Variants in HDAC9 observed in about 807,000 individuals in gnomAD.
HDAC9 encodes the protein histone deacetylase 9.
In HDAC9, 41 loss-of-function variants were observed where a neutral mutation model predicts 139.4. That is an observed-to-expected ratio of 0.29 (90% CI 0.23 to 0.38). HDAC9 has a LOEUF of 0.38. Ranked by LOEUF, HDAC9 falls within the 10% of genes least tolerant of loss-of-function variation. The pLI is 1.00. For missense variants in HDAC9, 1,147 were observed against 1,297.0 expected (o/e 0.88, Z 1.78); for synonymous variants, 517 against 476.2 (o/e 1.09, Z -1.12).
At chr7:18,739,246 T>C (rs570943609) in intron 13 of HDAC9, among the ~76,000 whole-genome samples, 1 of 152,352 alleles carries the variant, frequency 6.6e-6, no homozygotes, top group South Asian at 2.1e-4. Context: ...TTACCAACCT[T>C]CTGAAGCCTA....
intron 1 of HDAC9, among the ~76,000 whole-genome samples, chr7:18,321,433 C>T (rs907364963): frequency 1.3e-5 from 2 of 152,162 alleles, no homozygotes; most frequent in Non-Finnish European, 2.9e-5. Context: ...GTCATAAACT[C>T]AATAACAGGC....
At chr7:18,345,976 A>T (rs923394407) in intron 1 of HDAC9, among the ~76,000 whole-genome samples, 8 of 152,062 alleles carry the variant, frequency 5.3e-5, no homozygotes, top group African/African-American at 1.9e-4. Flanking sequence ...CATGAGTTTA[A>T]AGGTAGGTAT....
chr7:18,100,706 T>C (rs1782791921), intron 1 of HDAC9, among the ~76,000 whole-genome samples: 1 of 152,222 alleles, frequency 6.6e-6, no homozygotes, highest in Non-Finnish European at 1.5e-5. Context: ...AATTCTAATG[T>C]CTTTTTTAGT....
chr7:18,323,714 A>G (rs768513635), intron 1 of HDAC9, among the ~76,000 whole-genome samples: 9 of 152,166 alleles, frequency 5.9e-5, no homozygotes, highest in Non-Finnish European at 8.8e-5. Context: ...GGTAACTGTA[A>G]TAGTCTTTGG....
chr7:18,917,142 C>T (rs772693449), intron 22 of HDAC9, among the ~76,000 whole-genome samples: 2 of 151,886 alleles, frequency 1.3e-5, no homozygotes, highest in Non-Finnish European at 2.9e-5. Flanking sequence ...TCAAAGCTCG[C>T]AAATATGAAA....
chr7:18,972,306 G>A (rs1000334411), intron 24 of HDAC9, among the ~76,000 whole-genome samples: 3 of 151,382 alleles, frequency 2.0e-5, no homozygotes, highest in South Asian at 2.1e-4. Flanking sequence ...GACTTCTTCC[G>A]GATTAGTGTG....
chr7:18,746,864 T>G (rs538478197), intron 13 of HDAC9, among the ~76,000 whole-genome samples: 2 of 149,110 alleles, frequency 1.3e-5, no homozygotes, highest in African/African-American at 4.8e-5. Context: ...AATTATATAA[T>G]TGTGACAAAT....
chr7:18,409,430 G>C (rs1388675396), intron 1 of HDAC9, among the ~76,000 whole-genome samples: 7 of 152,056 alleles, frequency 4.6e-5, no homozygotes, highest in Non-Finnish European at 7.4e-5. Flanking sequence ...TTCACAGAAA[G>C]TGAAAAGTGT....
intron 17 of HDAC9, among the ~76,000 whole-genome samples, chr7:18,828,109 A>G (rs1795589023): frequency 1.3e-5 from 2 of 152,180 alleles, no homozygotes; most frequent in Admixed American, 1.3e-4. Flanking sequence ...TAATGACCAT[A>G]ACATTCTGGA....
chr7:18,210,765 C>G (rs1791883988), intron 2 of HDAC9, among the ~76,000 whole-genome samples: 1 of 152,142 alleles, frequency 6.6e-6, no homozygotes, highest in South Asian at 2.1e-4. Flanking sequence ...TATAAAATGA[C>G]AAATTTTATT....
chr7:18,223,273 T>C (rs1344490344), intron 2 of HDAC9, among the ~76,000 whole-genome samples: 1 of 152,142 alleles, frequency 6.6e-6, no homozygotes, highest in Admixed American at 6.5e-5. Flanking sequence ...CTTTTACCTC[T>C]TATGATGATA....
chr7:18,530,262 T>C (rs1191290926), intron 2 of HDAC9, among the ~76,000 whole-genome samples: 1 of 152,058 alleles, frequency 6.6e-6, no homozygotes, highest in Non-Finnish European at 1.5e-5. Flanking sequence ...GATCCTGTCT[T>C]AAAACAAAAC....
At chr7:18,551,318 G>A (rs1350359185) in intron 2 of HDAC9, among the ~76,000 whole-genome samples, 2 of 152,176 alleles carry the variant, frequency 1.3e-5, no homozygotes, top group African/African-American at 4.8e-5. Flanking sequence ...TGAGTCTGGA[G>A]TTCATGAAAG....
At chr7:18,809,759 A>C (rs1253910209) in intron 17 of HDAC9, among the ~76,000 whole-genome samples, 1 of 152,002 alleles carries the variant, frequency 6.6e-6, no homozygotes, top group Admixed American at 6.6e-5. Flanking sequence ...ACAATGTTAC[A>C]CTGTTAATGG....
At chr7:18,745,883 C>CTTTTTTTTT (rs752292349) in intron 13 of HDAC9, among the ~76,000 whole-genome samples, 102 of 99,412 alleles carry the variant, frequency 1.0e-3, no homozygotes, top group Non-Finnish European at 1.3e-3. Context: ...TCTTCTTCTT[C>CTTTTTTTTT]TTTTTTTTTT....
intron 16 of HDAC9, among the ~76,000 whole-genome samples, chr7:18,770,126 A>T (rs1374926769): frequency 6.6e-6 from 1 of 152,154 alleles, no homozygotes; most frequent in African/African-American, 2.4e-5. Context: ...ATGGTAATTT[A>T]CTGTTGGTCA....
intron 2 of HDAC9, among the ~76,000 whole-genome samples, chr7:18,168,926 T>TGTGTGTGTGCGC (rs1407586998): frequency 2.1e-4 from 27 of 130,056 alleles, no homozygotes; most frequent in African/African-American, 7.9e-4. Flanking sequence ...TGTGTGTGTG[T>TGTGTGTGTGCGC]GCGCGCATGT....
intron 1 of HDAC9, among the ~76,000 whole-genome samples, chr7:18,106,515 C>A (rs767733518): frequency 2.0e-5 from 3 of 151,906 alleles, no homozygotes; most frequent in African/African-American, 7.3e-5. Flanking sequence ...TGCAGTGGTG[C>A]GATCTTAGCT....
chr7:18,108,285 C>T (rs1783361807), intron 1 of HDAC9, among the ~76,000 whole-genome samples: 1 of 152,046 alleles, frequency 6.6e-6, no homozygotes, highest in African/African-American at 2.4e-5. Flanking sequence ...TAGCAATGAC[C>T]AGGGAGTGTG....
Sources: gnomAD v4.1 joint callset for allele counts (sites outside exome capture counted in the v4.1 genomes callset) on GRCh38, gnomAD v4.1.1 for gene constraint, MANE v1.5 for transcripts, NCBI Gene and HGNC (gene_info 2026-07-23, HGNC 2026-07-21) for gene names.